Variants in STON2 observed in about 807,000 individuals in gnomAD.
STON2 encodes stonin 2.
STON2 carries 29 observed loss-of-function variants against 65.7 expected under a neutral mutation model. That is an observed-to-expected ratio of 0.44 (90% CI 0.33 to 0.60). The LOEUF (loss-of-function observed/expected upper bound fraction) is 0.60, where lower values mean the gene tolerates loss of function less well. Among genes scored for constraint, STON2 ranks in the 20% least tolerant of loss-of-function variants. The pLI is 0.03. For missense variants in STON2, 1,054 were observed against 1,118.1 expected (o/e 0.94, Z 0.82); for synonymous variants, 404 against 414.2 (o/e 0.98, Z 0.30).
chr14:81,408,109 A>G (rs115336286), intron 2 of STON2, among the ~76,000 whole-genome samples: 2,318 of 151,362 alleles, frequency 0.015, 65 homozygotes, highest in African/African-American at 0.054. Flanking sequence ...ATTCTCATTA[A>G]TAAAACCTGA....
rs3813537 is a variant in STON2, at chr14:81,277,571, A to C, written c.1911T>G (p.Ser637=). 3.5e-4 allele frequency: 558 copies of C among 1,614,216 alleles called. 9 individuals carry two copies. The East Asian group carries it at 0.012, about 36-fold the overall frequency. ...GGTTGTCTCCTTTGCTCACAATGCC[A>C]GAGAATTCATCTCTGACATCCACTG... ...EITVDVRDEF[S]GIVSKGDNQI... The change falls in exon 6 of 8, where the codon TCT becomes TCG. Residue 637 remains serine, a synonymous_variant. Transcript: ENST00000614646.
intron 3 of STON2, among the ~76,000 whole-genome samples, chr14:81,373,206 AT>A (rs1381061272): frequency 6.6e-6 from 1 of 152,208 alleles, no homozygotes. Context: ...TAAGGCAGGC[AT>A]TCAACAAATA....
chr14:81,318,351 C>T (rs915439914), intron 5 of STON2, among the ~76,000 whole-genome samples: 1 of 152,158 alleles, frequency 6.6e-6, no homozygotes, highest in African/African-American at 2.4e-5. Flanking sequence ...GAGCAGAAGA[C>T]GGCTCCAGAG....
At position 81,398,475 on chromosome 14, in the gene STON2, G is replaced by T. The variant is rs561982559; in HGVS notation, c.-93C>A. The T allele has an allele frequency of 4.4e-6, 4 of 902,210 alleles. No homozygotes were observed. The highest frequency in any genetic ancestry group is 5.4e-6 in the Non-Finnish European group (3 of 555,628). 55.9% of individuals were successfully genotyped at this position (902,210 alleles called of 1,614,324 possible). A position where few individuals can be genotyped will look rare whatever the true frequency, so the allele number is the denominator to read the frequency against. On this transcript the variant is annotated 5_prime_UTR_variant, in exon 2 of 8. Coordinates refer to ENST00000614646, the MANE Select transcript of STON2 (RefSeq NM_001394390.1). ...GGCTGGAGTAGGGGTATGGTAGTAC[G>T]GTAGACTTGGGTCCAGGGTCTGTTC...
In STON2 at chr14:81,261,930, G is replaced by C; in HGVS notation, c.*6484C>G. On this transcript the variant is annotated 3_prime_UTR_variant, in exon 8 of 8. Transcript: ENST00000614646. ...ATTTGGAAGGTTGTCTGTTTCTGTT[G>C]TCTGGGGAAATGATAAAAAAAAAAA... 5.0e-6 allele frequency: 7 copies of C among 1,409,998 alleles called. No homozygotes were observed. The highest frequency in any genetic ancestry group is 5.5e-6 in the Non-Finnish European group (6 of 1,088,542). The allele number at this position is 1,409,998 out of a possible 1,614,324, so 87.3% of individuals were successfully genotyped here. A position where few individuals can be genotyped will look rare whatever the true frequency, so the allele number is the denominator to read the frequency against.
chr14:81,388,913 CT>C (rs1899950104), intron 3 of STON2, among the ~76,000 whole-genome samples: 1 of 152,168 alleles, frequency 6.6e-6, no homozygotes, highest in Admixed American at 6.6e-5. Context: ...TAAGGTTTCA[CT>C]TTTTCTTCCA....
chr14:81,382,667 T>C (rs1019435686), intron 3 of STON2, among the ~76,000 whole-genome samples: 1 of 152,188 alleles, frequency 6.6e-6, no homozygotes, highest in African/African-American at 2.4e-5. Flanking sequence ...CTGTTCTTTA[T>C]AATCTAATAC....
chr14:81,429,746 C>A (rs372600294), intron 1 of STON2, among the ~76,000 whole-genome samples: 58 of 151,976 alleles, frequency 3.8e-4, no homozygotes, highest in African/African-American at 1.3e-3. Context: ...CCAGCCTGGC[C>A]AACATGGTGA....
At chr14:81,399,041 C>T (rs555661497) in intron 1 of STON2, among the ~76,000 whole-genome samples, 2 of 152,310 alleles carry the variant, frequency 1.3e-5, no homozygotes, top group South Asian at 4.1e-4. Context: ...AGAAACCCAA[C>T]AATCTCCAGA....
At chr14:81,323,605 C>G (rs1896898523) in intron 5 of STON2, 1 of 152,238 alleles carries the variant, frequency 6.6e-6, no homozygotes. Context: ...AAAACATCAC[C>G]TTGGTCTATT....
intron 7 of STON2, 195 bp from the exon 8 acceptor site, chr14:81,268,692 G>A: frequency 2.1e-6 from 2 of 954,694 alleles, no homozygotes; most frequent in Non-Finnish European, 2.5e-6. Context: ...TAACTGGTCT[G>A]TAATTCCCTT....
At chr14:81,362,337 A>T (rs987185781) in intron 4 of STON2, among the ~76,000 whole-genome samples, 1 of 152,218 alleles carries the variant, frequency 6.6e-6, no homozygotes, top group Non-Finnish European at 1.5e-5. Flanking sequence ...TTGCAACAAC[A>T]TGGATGGACT....
In STON2 at chr14:81,336,551, G is replaced by A. The variant is rs183495123; in HGVS notation, c.572-12364C>T. On this transcript the variant is annotated intron_variant, in intron 4 of 7. Transcript: ENST00000614646. ...ATGTAAAGTACATGACCTGCATGGA[G>A]GGTGGTAGAAGTGGACCCTGCTGGT... Among the ~76,000 whole-genome samples the A allele has an allele frequency of 6.6e-5, 10 of 152,146 alleles. No individual in the cohort carries two copies. In the East Asian group the frequency reaches 1.7e-3, roughly 27 times the overall value.
rs764258644 is a variant in STON2 at position 81,316,748 on chromosome 14, T to C, written c.742+7269A>G. On this transcript the variant is annotated intron_variant, in intron 5 of 7. Coordinates refer to ENST00000614646, the MANE Select transcript of STON2 (RefSeq NM_001394390.1). ...TAAAGAAAGGAGGTTTGGCCGGGCG[T>C]GGTGGCTCACGCCTGTAATACCAGC... Among the ~76,000 whole-genome samples the C allele has an allele frequency of 1.2e-3, 179 of 152,134 alleles. 5 individuals are homozygous for C. The highest frequency in any genetic ancestry group is 2.8e-4 in the Non-Finnish European group (19 of 68,018).
intron 3 of STON2, among the ~76,000 whole-genome samples, chr14:81,385,496 G>A (rs1463778770): frequency 1.3e-5 from 2 of 152,166 alleles, no homozygotes; most frequent in Non-Finnish European, 2.9e-5. Context: ...ACATATGTGT[G>A]TGGAACAATG....
At position 81,324,511 on chromosome 14, in the gene STON2, A is replaced by AT. The variant is rs375063798; in HGVS notation, c.572-325_572-324insA. On this transcript the variant is annotated intron_variant, in intron 4 of 7. Transcript: ENST00000614646. ...CTCTGAAATTTGTTTCCTCCGAGTTAGAGTGTTAACACTAGCATAGGAAAT... is the reference window on the plus strand; with the variant it reads ...CTCTGAAATTTGTTTCCTCCGAGTTATGAGTGTTAACACTAGCATAGGAAAT... Among the ~76,000 whole-genome samples the AT allele has an allele frequency of 1.9e-3, 287 of 152,382 alleles. 1 individual carries two copies. The highest frequency in any genetic ancestry group is 6.7e-3 in the African/African-American group (279 of 41,588).
chr14:81,419,301 A>G (rs1901590743), intron 2 of STON2, among the ~76,000 whole-genome samples: 1 of 152,226 alleles, frequency 6.6e-6, no homozygotes. Context: ...TGGACTGGCC[A>G]ACTTTCTCAA....
rs910432130 is a variant in STON2, at chr14:81,266,049, C to T, written c.*2365G>A. 6 of 985,242 alleles carry T rather than the reference C, an allele frequency of 6.1e-6. No individual in the cohort carries two copies. In the African/African-American group the frequency reaches 1.0e-4, roughly 17 times the overall value. The allele number at this position is 985,242 out of a possible 1,614,324, so 61.0% of individuals were successfully genotyped here. On this transcript the variant is annotated 3_prime_UTR_variant, in exon 8 of 8. Transcript: ENST00000614646. The stretch of plus-strand genomic sequence containing the variant: ...CTTGACAAAAACCTCAAAGGAACTC[C>T]ACTGTATTTCAAAGAGCATGAAAAA...
chr14:81,293,421 C>T (rs1287184901), intron 5 of STON2, among the ~76,000 whole-genome samples: 1 of 152,070 alleles, frequency 6.6e-6, no homozygotes, highest in Non-Finnish European at 1.5e-5. Context: ...ATCTACCTGC[C>T]TCGGCCTCCC....
Sources: allele counts gnomAD v4.1 joint callset (sites outside exome capture counted in the v4.1 genomes callset), GRCh38; gene constraint gnomAD v4.1.1; transcripts MANE v1.5; gene names NCBI Gene and HGNC (gene_info 2026-07-23, HGNC 2026-07-21).